Variants in MYH11 observed in about 807,000 individuals in gnomAD.
MYH11 encodes myosin-11.
MYH11 carries 80 observed loss-of-function variants against 246.6 expected under a neutral mutation model. The ratio of observed to expected loss-of-function variants is 0.32; its 90% CI spans 0.27 to 0.39. The LOEUF (loss-of-function observed/expected upper bound fraction) is 0.39, where lower values mean the gene tolerates loss of function less well. MYH11 is among the 10% of genes least tolerant of loss of function. The probability of loss-of-function intolerance (pLI) is 1.00; values close to 1 mark genes in which losing one functional copy is unlikely to be tolerated. For missense variants in MYH11, 2,158 were observed against 2,546.8 expected (o/e 0.85, Z 3.29); for synonymous variants, 1,071 against 1,015.5 (o/e 1.05, Z -1.04).
chr16:15,730,676 G>C (rs918346534), intron 27 of MYH11, among the ~76,000 whole-genome samples: 8 of 152,152 alleles, frequency 5.3e-5, no homozygotes, highest in Non-Finnish European at 8.8e-5. Flanking sequence ...TAATCTAGCA[G>C]AACCAAAAGC....
chr16:15,736,350 C>T (rs915077363), intron 25 of MYH11, among the ~76,000 whole-genome samples: 1 of 152,182 alleles, frequency 6.6e-6, no homozygotes, highest in Non-Finnish European at 1.5e-5. Context: ...ATGATCATAG[C>T]TCACTTTAGC....
chr16:15,759,267 C>T (rs888868970), intron 12 of MYH11, among the ~76,000 whole-genome samples: 13 of 150,728 alleles, frequency 8.6e-5, no homozygotes, highest in East Asian at 1.9e-4. Flanking sequence ...ATCTTGCCCC[C>T]GTGAGGGGAG....
At chr16:15,821,679 G>A (rs945282908) in intron 3 of MYH11, among the ~76,000 whole-genome samples, 4 of 148,678 alleles carry the variant, frequency 2.7e-5, no homozygotes, top group Non-Finnish European at 6.0e-5. Flanking sequence ...AGCACTTTGG[G>A]AGGCCGAGGC....
In MYH11 at chr16:15,718,458, G is replaced by A. The variant is rs763391130; in HGVS notation, c.5172-20C>T. 7 of 1,545,044 alleles carry A rather than the reference G, an allele frequency of 4.5e-6. No homozygotes were observed. The highest frequency in any genetic ancestry group is 6.1e-6 in the Non-Finnish European group (7 of 1,149,180). On this transcript the variant is annotated intron_variant, in intron 36 of 40. Transcript: ENST00000300036. ...GCGTTCCTGGGGGAAGGGCGGCCAT[G>A]GTGGGGGCCTCTACCCTCCCCCGCC...
intron 3 of MYH11, among the ~76,000 whole-genome samples, chr16:15,803,276 T>TC (rs2042931013): frequency 8.2e-6 from 1 of 122,126 alleles, no homozygotes; most frequent in Non-Finnish European, 1.6e-5. Flanking sequence ...GAAACCAGTT[T>TC]AATTTTTTTT....
intron 3 of MYH11, among the ~76,000 whole-genome samples, chr16:15,821,361 G>A (rs566621555): frequency 1.3e-5 from 2 of 152,292 alleles, no homozygotes; most frequent in African/African-American, 4.8e-5. Context: ...GAAAGGTCAC[G>A]TAACAAAATG....
chr16:15,711,437 T>C (rs576814486), intron 40 of MYH11, among the ~76,000 whole-genome samples: 21 of 152,336 alleles, frequency 1.4e-4, no homozygotes, highest in African/African-American at 2.2e-4. Flanking sequence ...TAGCTAGATA[T>C]TGAACTTGAT....
intron 10 of MYH11, among the ~76,000 whole-genome samples, chr16:15,760,889 A>C (rs1405621049): frequency 6.6e-6 from 1 of 152,118 alleles, no homozygotes; most frequent in Admixed American, 6.5e-5. Flanking sequence ...AGCAGGCCCC[A>C]GTTGGGGGTT....
intron 9 of MYH11, among the ~76,000 whole-genome samples, chr16:15,767,692 C>A (rs1010061343): frequency 6.6e-6 from 1 of 152,004 alleles, no homozygotes; most frequent in Non-Finnish European, 1.5e-5. Flanking sequence ...AAGATGAGAT[C>A]ATCTTGGATT....
chr16:15,717,957 C>G (rs1457971251), intron 37 of MYH11: 1 of 383,178 alleles, frequency 2.6e-6, no homozygotes, highest in African/African-American at 2.1e-5. Context: ...CACCATGGAA[C>G]TAGTGCTCAG....
chr16:15,716,515 G>T (rs920405128), intron 38 of MYH11, among the ~76,000 whole-genome samples: 27 of 151,654 alleles, frequency 1.8e-4, no homozygotes, highest in Admixed American at 9.9e-4. Context: ...GTTTTTTGGG[G>T]TTTTTTTTGT....
chr16:15,804,182 C>G (rs921173729), intron 3 of MYH11, among the ~76,000 whole-genome samples: 5 of 151,980 alleles, frequency 3.3e-5, no homozygotes, highest in African/African-American at 1.2e-4. Flanking sequence ...CTCTCTCTCT[C>G]TTTTTTCCTT....
At chr16:15,771,296 A>C (rs1173525298) in intron 9 of MYH11, among the ~76,000 whole-genome samples, 1 of 151,970 alleles carries the variant, frequency 6.6e-6, no homozygotes, top group Non-Finnish European at 1.5e-5. Context: ...CACTGTGCCT[A>C]ACCTCCCTGA....
At chr16:15,801,865 G>T (rs1448272880) in intron 3 of MYH11, among the ~76,000 whole-genome samples, 1 of 151,188 alleles carries the variant, frequency 6.6e-6, no homozygotes, top group Admixed American at 6.6e-5. Context: ...GCTGAGGCAG[G>T]AGAATCACTT....
intron 33 of MYH11, 73 bp from the exon 34 acceptor site, chr16:15,720,385 T>C: frequency 6.5e-7 from 1 of 1,543,076 alleles, no homozygotes; most frequent in Non-Finnish European, 8.8e-7. Context: ...AGGCAGCACA[T>C]CACTGCACCC....
chr16:15,733,411 T>C (rs1217122604), intron 26 of MYH11, among the ~76,000 whole-genome samples: 1 of 151,490 alleles, frequency 6.6e-6, no homozygotes, highest in Non-Finnish European at 1.5e-5. Context: ...TTTTATATTT[T>C]TAGTAGAGAT....
In MYH11 at chr16:15,794,061, A is replaced by G. The variant is rs192254033; in HGVS notation, c.530+4599T>C. On this transcript the variant is annotated intron_variant, in intron 4 of 40. Coordinates refer to ENST00000300036, the MANE Select transcript of MYH11 (RefSeq NM_002474.3). ...CAGGTTCACACCATTCTCCTGCCTC[A>G]GCCTCCTGAATAGCTGGGACTACAG... Among the ~76,000 whole-genome samples, 199 of 143,414 alleles carry G rather than the reference A, an allele frequency of 1.4e-3. 1 individual carries two copies. Among genetic ancestry groups the G allele is most frequent in the African/African-American group, 5.2e-3 (197 of 37,934 alleles). 94.1% of individuals were successfully genotyped at this position (143,414 alleles called of 152,430 possible). A position where few individuals can be genotyped will look rare whatever the true frequency, so the allele number is the denominator to read the frequency against.
chr16:15,715,972 C>A (rs117066936), intron 38 of MYH11, among the ~76,000 whole-genome samples: 3 of 150,866 alleles, frequency 2.0e-5, no homozygotes, highest in East Asian at 2.0e-4. Flanking sequence ...CTAAAAAATA[C>A]AATTACAAGC....
At chr16:15,809,849 G>A (rs1397222638) in intron 3 of MYH11, among the ~76,000 whole-genome samples, 2 of 150,002 alleles carry the variant, frequency 1.3e-5, no homozygotes, top group Non-Finnish European at 3.0e-5. Flanking sequence ...TGAGCCTGGA[G>A]AGGCTGAGGC....
Sources: allele counts gnomAD v4.1 joint callset (sites outside exome capture counted in the v4.1 genomes callset), GRCh38; gene constraint gnomAD v4.1.1; transcripts MANE v1.5; gene names NCBI Gene and HGNC (gene_info 2026-07-23, HGNC 2026-07-21).